Variants in CADM2 observed in about 807,000 individuals in gnomAD.
CADM2 encodes immunoglobulin superfamily member 4D.
In CADM2, 12 loss-of-function variants were observed where a neutral mutation model predicts 49.8. The observed-to-expected ratio is 0.24, with a 90% CI of 0.15 to 0.39. The LOEUF is 0.39. Among genes scored for constraint, CADM2 ranks in the 10% least tolerant of loss-of-function variants. The pLI is 1.00. For synonymous variants in CADM2, 214 were observed against 175.4 expected, an observed-to-expected ratio of 1.22 and a Z score of -1.74; for missense variants, 378 against 492.3, an observed-to-expected ratio of 0.77 and a Z score of 2.20.
intron 1 of CADM2, among the ~76,000 whole-genome samples, chr3:84,967,527 A>T (rs2031092997): frequency 6.6e-6 from 1 of 152,136 alleles, no homozygotes; most frequent in African/African-American, 2.4e-5. Context: ...AAAGAAAAAT[A>T]TATAGTAAGC....
At chr3:86,037,660 ATTTAT>A (rs141772703) in intron 8 of CADM2, among the ~76,000 whole-genome samples, 5,202 of 152,264 alleles carry the variant, frequency 0.034, 168 homozygotes, top group African/African-American at 0.083. Flanking sequence ...GTTCTTAAAC[ATTTAT>A]TTTAAGTATT....
intron 1 of CADM2, among the ~76,000 whole-genome samples, chr3:85,337,742 A>T (rs527556028): frequency 6.6e-6 from 1 of 151,542 alleles, no homozygotes; most frequent in East Asian, 1.9e-4. Context: ...CTAAGCCTGG[A>T]TTTTGGGTAT....
At chr3:85,178,505 A>C (rs2107698995) in intron 1 of CADM2, among the ~76,000 whole-genome samples, 1 of 151,986 alleles carries the variant, frequency 6.6e-6, no homozygotes, top group East Asian at 1.9e-4. Flanking sequence ...AAAGTGAGAA[A>C]GAAGATAAAT....
chr3:85,758,462 A>G (rs2069222462), intron 2 of CADM2, among the ~76,000 whole-genome samples: 1 of 152,120 alleles, frequency 6.6e-6, no homozygotes, highest in Non-Finnish European at 1.5e-5. Flanking sequence ...CTAGTAAAAG[A>G]CACCTTGTGG....
intron 1 of CADM2, among the ~76,000 whole-genome samples, chr3:85,306,462 T>A (rs1364782203): frequency 6.6e-6 from 1 of 151,712 alleles, no homozygotes; most frequent in East Asian, 1.9e-4. Context: ...AGCTCAAAAT[T>A]TGCATATTAA....
intron 1 of CADM2, among the ~76,000 whole-genome samples, chr3:85,722,259 G>C (rs370755325): frequency 4.6e-5 from 7 of 152,096 alleles, no homozygotes; most frequent in African/African-American, 1.7e-4. Flanking sequence ...AGGAGACCCT[G>C]GAGTGGGTAG....
intron 1 of CADM2, among the ~76,000 whole-genome samples, chr3:85,058,429 A>G (rs1449265900): frequency 6.6e-6 from 1 of 151,962 alleles, no homozygotes; most frequent in Non-Finnish European, 1.5e-5. Context: ...TGTTGTTAAA[A>G]TGACTTTCTT....
chr3:84,994,253 T>A (rs978030364), intron 1 of CADM2, among the ~76,000 whole-genome samples: 9 of 152,338 alleles, frequency 5.9e-5, no homozygotes, highest in African/African-American at 2.2e-4. Context: ...TATAAATACA[T>A]CCTAATAAAT....
intron 1 of CADM2, among the ~76,000 whole-genome samples, chr3:85,223,257 G>A (rs766163354): frequency 6.6e-6 from 1 of 152,172 alleles, no homozygotes; most frequent in Non-Finnish European, 1.5e-5. Context: ...CAGGATGTAT[G>A]TTTTATATTT....
intron 1 of CADM2, among the ~76,000 whole-genome samples, chr3:85,092,299 A>G (rs1225819145): frequency 6.6e-6 from 1 of 152,208 alleles, no homozygotes; most frequent in Non-Finnish European, 1.5e-5. Context: ...AGCAGATTTT[A>G]TTTCCTCTTC....
intron 3 of CADM2, among the ~76,000 whole-genome samples, chr3:85,873,126 A>C (rs772405931): frequency 6.6e-6 from 1 of 152,148 alleles, no homozygotes; most frequent in Non-Finnish European, 1.5e-5. Flanking sequence ...AATGCTCCAT[A>C]AGGAAGAGCC....
chr3:85,825,734 T>A (rs530062083), intron 3 of CADM2, among the ~76,000 whole-genome samples: 94 of 152,220 alleles, frequency 6.2e-4, no homozygotes, highest in Non-Finnish European at 9.6e-4. Flanking sequence ...ACCGATTTTT[T>A]AAAAATGTTA....
At chr3:85,720,689 G>A (rs1015245350) in intron 1 of CADM2, among the ~76,000 whole-genome samples, 1 of 152,104 alleles carries the variant, frequency 6.6e-6, no homozygotes, top group African/African-American at 2.4e-5. Flanking sequence ...ACAATGTTAG[G>A]TGATAGTTAA....
At chr3:85,774,107 C>A (rs1287090845) in intron 2 of CADM2, among the ~76,000 whole-genome samples, 1 of 151,632 alleles carries the variant, frequency 6.6e-6, no homozygotes, top group East Asian at 1.9e-4. Context: ...TCTATTTCCT[C>A]TTCATTTTTT....
At chr3:85,183,055 G>T (rs1292819273) in intron 1 of CADM2, among the ~76,000 whole-genome samples, 1 of 151,984 alleles carries the variant, frequency 6.6e-6, no homozygotes, top group African/African-American at 2.4e-5. Flanking sequence ...ATGCATAATT[G>T]CAATTTACAC....
chr3:85,034,031 T>C (rs1276503405), intron 1 of CADM2, among the ~76,000 whole-genome samples: 1 of 152,180 alleles, frequency 6.6e-6, no homozygotes, highest in African/African-American at 2.4e-5. Context: ...TACAATGAGA[T>C]ATTTTAATAT....
At chr3:85,144,245 G>GCACACA (rs3083491) in intron 1 of CADM2, among the ~76,000 whole-genome samples, 26,527 of 148,894 alleles carry the variant, frequency 0.18, 2,361 homozygotes, top group Non-Finnish European at 0.21. Context: ...TGTTACACAC[G>GCACACA]CACACACACA....
At chr3:85,005,692 A>T (rs79300897) in intron 1 of CADM2, among the ~76,000 whole-genome samples, 16 of 144,054 alleles carry the variant, frequency 1.1e-4, no homozygotes, top group East Asian at 2.1e-4. Context: ...AAGATCTGAT[A>T]AAAAAAAAAA....
intron 1 of CADM2, among the ~76,000 whole-genome samples, chr3:85,101,980 GA>G (rs2038029273): frequency 2.0e-5 from 3 of 152,156 alleles, no homozygotes; most frequent in African/African-American, 7.2e-5. Flanking sequence ...CCTAGTAGTA[GA>G]AGACTGACAG....
Sources: gnomAD v4.1 joint callset for allele counts (sites outside exome capture counted in the v4.1 genomes callset) on GRCh38, gnomAD v4.1.1 for gene constraint, MANE v1.5 for transcripts, NCBI Gene and HGNC (gene_info 2026-07-23, HGNC 2026-07-21) for gene names.